Variants in OPCML observed in about 807,000 individuals in gnomAD.
OPCML encodes opioid binding protein/cell adhesion molecule like.
A neutral mutation model predicts 37.8 loss-of-function variants in OPCML; 13 were observed. The observed-to-expected ratio is 0.34, with a 90% confidence interval of 0.22 to 0.55. The LOEUF (loss-of-function observed/expected upper bound fraction) is 0.55, where lower values mean the gene tolerates loss of function less well. OPCML is among the 20% of genes least tolerant of loss of function. The probability of loss-of-function intolerance (pLI) is 0.91; values close to 1 mark genes in which losing one functional copy is unlikely to be tolerated. For missense variants in OPCML, 341 were observed against 435.6 expected, an observed-to-expected ratio of 0.78 and a Z score of 1.93; for synonymous variants, 176 against 168.8, an observed-to-expected ratio of 1.04 and a Z score of -0.33.
intron 1 of OPCML, among the ~76,000 whole-genome samples, chr11:133,346,207 G>A (rs773013314): frequency 6.6e-6 from 1 of 152,092 alleles, no homozygotes; most frequent in African/African-American, 2.4e-5. Flanking sequence ...AGTTGTCAAC[G>A]TTACCATTGT....
chr11:132,708,472 A>G (rs1238552933), intron 2 of OPCML, among the ~76,000 whole-genome samples: 3 of 152,208 alleles, frequency 2.0e-5, no homozygotes, highest in Non-Finnish European at 2.9e-5. Flanking sequence ...TTAGGATGCA[A>G]TTTGGGATGG....
chr11:132,943,173 G>A lies in OPCML; in HGVS notation c.62-163C>T, dbSNP rs1945644166. On this transcript the variant is annotated intron_variant, in intron 1 of 7. Transcript: ENST00000524381. This position sits in a 1 kb window ranked among gnomAD's most constrained non-coding sequence, Gnocchi z 4.3. ...CCCCGCGCACCAGCGGGCTCGGGAAGCGGTGCGGGGAGGAGGGAAGGGGCA... is the reference window on the plus strand; with the variant it reads ...CCCCGCGCACCAGCGGGCTCGGGAAACGGTGCGGGGAGGAGGGAAGGGGCA... 3.1e-6 allele frequency: 5 copies of A among 1,595,244 alleles called. No individual in the cohort carries two copies. Among genetic ancestry groups the A allele is most frequent in the Non-Finnish European group, 3.4e-6 (4 of 1,167,168 alleles).
intron 2 of OPCML, among the ~76,000 whole-genome samples, chr11:132,678,119 C>T (rs776646477): frequency 2.0e-5 from 3 of 152,158 alleles, no homozygotes; most frequent in Non-Finnish European, 4.4e-5. Context: ...AGAAGACATA[C>T]AGATGGCAAG....
At chr11:133,008,932 C>T (rs1226783754) in intron 1 of OPCML, 1 of 985,324 alleles carries the variant, frequency 1.0e-6, no homozygotes, top group African/African-American at 1.7e-5. Flanking sequence ...TAAGGAGTCA[C>T]AGCAAGAAGA....
At chr11:133,511,350 G>C (rs1252376406) in intron 1 of OPCML, among the ~76,000 whole-genome samples, 2 of 152,170 alleles carry the variant, frequency 1.3e-5, no homozygotes, top group Non-Finnish European at 2.9e-5. Context: ...ATCTAACTCA[G>C]AATAAAAGCC....
intron 4 of OPCML, among the ~76,000 whole-genome samples, chr11:132,497,073 A>T (rs1592266754): frequency 6.6e-6 from 1 of 152,214 alleles, no homozygotes; most frequent in Admixed American, 6.5e-5. Flanking sequence ...AAAAAGGAAT[A>T]AGATCATGTA....
chr11:132,708,989 G>A lies in OPCML; in HGVS notation c.147-51670C>T, dbSNP rs75888817. On this transcript the variant is annotated intron_variant, in intron 2 of 7. Transcript: ENST00000524381. ...TTTTATTTTTAGTCTCATGGGTCACGGAGTTTCACTTTCTTTAAAAGAAGA... is the reference window on the plus strand; with the variant it reads ...TTTTATTTTTAGTCTCATGGGTCACAGAGTTTCACTTTCTTTAAAAGAAGA... 3.2e-3 allele frequency among the ~76,000 whole-genome samples: 493 copies of A among 152,180 alleles called. 12 individuals are homozygous for A. The East Asian group carries it at 0.088, about 27-fold the overall frequency.
chr11:132,895,050 T>A (rs1943784576), intron 2 of OPCML, among the ~76,000 whole-genome samples: 1 of 152,212 alleles, frequency 6.6e-6, no homozygotes, highest in African/African-American at 2.4e-5. Flanking sequence ...CAACAGTGGT[T>A]CTAGAGGTTT....
At chr11:133,141,033 C>CGAAGAAGAAGAAGAAGAAGAAGAA (rs1399038604) in intron 1 of OPCML, among the ~76,000 whole-genome samples, 1 of 5,370 alleles carries the variant, frequency 1.9e-4, no homozygotes, top group African/African-American at 3.2e-4. Context: ...ACGACGACGA[C>CGAAGAAGAAGAAGAAGAAGAAGAA]GACGACGACG....
intron 1 of OPCML, chr11:133,005,407 C>T: frequency 1.0e-6 from 1 of 985,334 alleles, no homozygotes; most frequent in Non-Finnish European, 1.2e-6. Context: ...AATGCTTTTT[C>T]ACCCTAACAC....
At chr11:132,840,991 G>A (rs901597424) in intron 2 of OPCML, among the ~76,000 whole-genome samples, 9 of 152,124 alleles carry the variant, frequency 5.9e-5, no homozygotes, top group Admixed American at 3.9e-4. Context: ...TGTGATCTTA[G>A]GGATGTTCTG....
intron 2 of OPCML, among the ~76,000 whole-genome samples, chr11:132,698,730 G>C (rs1943696742): frequency 6.6e-6 from 1 of 151,858 alleles, no homozygotes; most frequent in Admixed American, 6.6e-5. Flanking sequence ...GAATCTTTTT[G>C]ATGGTTTTCT....
At chr11:132,933,663 A>G (rs1945281898) in intron 2 of OPCML, among the ~76,000 whole-genome samples, 1 of 152,202 alleles carries the variant, frequency 6.6e-6, no homozygotes, top group Non-Finnish European at 1.5e-5. Flanking sequence ...ATCTTTTCAG[A>G]AAACTTAGAG....
intron 1 of OPCML, among the ~76,000 whole-genome samples, chr11:133,023,589 G>A (rs746374483): frequency 1.9e-4 from 29 of 152,158 alleles, no homozygotes; most frequent in Non-Finnish European, 2.6e-4. Context: ...TCTAGGCTCC[G>A]CTGGAGCTGA....
At chr11:132,779,038 G>A (rs1031331766) in intron 2 of OPCML, among the ~76,000 whole-genome samples, 48 of 127,878 alleles carry the variant, frequency 3.8e-4, no homozygotes, top group East Asian at 3.0e-3. Context: ...TGCCATCTCC[G>A]CTCACTGCAA....
At chr11:132,489,857 C>T (rs1054064101) in intron 4 of OPCML, among the ~76,000 whole-genome samples, 1 of 152,112 alleles carries the variant, frequency 6.6e-6, no homozygotes, top group African/African-American at 2.4e-5. Flanking sequence ...CACCCCCTGA[C>T]AGGCCCCACT....
intron 2 of OPCML, among the ~76,000 whole-genome samples, chr11:132,659,588 AC>A (rs35662823): frequency 3.3e-5 from 5 of 152,140 alleles, no homozygotes; most frequent in Non-Finnish European, 5.9e-5. Flanking sequence ...TAGTTATGTA[AC>A]CCCTTGCACA....
intron 1 of OPCML, among the ~76,000 whole-genome samples, chr11:133,318,902 C>T (rs1171775819): frequency 2.6e-5 from 4 of 152,028 alleles, no homozygotes; most frequent in Non-Finnish European, 4.4e-5. Flanking sequence ...CCACGGGCAC[C>T]TGTAATCCCA....
intron 3 of OPCML, among the ~76,000 whole-genome samples, chr11:132,565,600 C>A (rs548588538): frequency 5.9e-5 from 9 of 152,316 alleles, no homozygotes; most frequent in African/African-American, 1.4e-4. Flanking sequence ...CCTCAAACCA[C>A]CCCAGTCTGC....
Sources: gnomAD v4.1 joint callset for allele counts (sites outside exome capture counted in the v4.1 genomes callset) on GRCh38, gnomAD v4.1.1 for gene constraint, Gnocchi (gnomAD v3.1) non-coding constraint, MANE v1.5 for transcripts, NCBI Gene and HGNC (gene_info 2026-07-23, HGNC 2026-07-21) for gene names.